The following MAST4 variants were observed in gnomAD, a reference collection of about 807,000 sequenced individuals.
MAST4 encodes the protein microtubule associated serine/threonine kinase family member 4.
Under a neutral mutation model 162.7 loss-of-function variants are expected in MAST4, and 89 were observed. That is an observed-to-expected ratio of 0.55 (90% CI 0.46 to 0.65). MAST4 has a LOEUF of 0.65. MAST4 is among the 30% of genes least tolerant of loss of function. The probability of loss-of-function intolerance (pLI) is 0.00; values close to 1 mark genes in which losing one functional copy is unlikely to be tolerated. For synonymous variants in MAST4, 1,479 were observed against 1,361.1 expected (o/e 1.09, Z -1.91); for missense variants, 3,153 against 3,374.0 (o/e 0.93, Z 1.62).
intron 4 of MAST4, among the ~76,000 whole-genome samples, chr5:66,982,276 T>C (rs980283956): frequency 6.6e-6 from 1 of 152,204 alleles, no homozygotes; most frequent in Non-Finnish European, 1.5e-5. Context: ...GAGTGTGTGC[T>C]TTCTTTTAAC....
chr5:66,616,337 T>A (rs1428592974), intron 1 of MAST4, among the ~76,000 whole-genome samples: 2 of 152,074 alleles, frequency 1.3e-5, no homozygotes, highest in African/African-American at 4.8e-5. Context: ...AGAGAAGAGA[T>A]GTTTTAAATT....
chr5:66,686,901 T>C (rs936402281), intron 1 of MAST4, among the ~76,000 whole-genome samples: 3 of 152,186 alleles, frequency 2.0e-5, no homozygotes, highest in African/African-American at 7.2e-5. Context: ...GTATCACCAT[T>C]GTATGTCAGT....
At chr5:66,977,121 A>G (rs906122621) in intron 4 of MAST4, among the ~76,000 whole-genome samples, 13 of 151,968 alleles carry the variant, frequency 8.6e-5, no homozygotes, top group Non-Finnish European at 1.8e-4. Flanking sequence ...TCTTTTTGAG[A>G]CAGAGTTTTG....
At chr5:66,759,338 G>A (rs189779050) in intron 1 of MAST4, among the ~76,000 whole-genome samples, 4 of 152,230 alleles carry the variant, frequency 2.6e-5, no homozygotes, top group South Asian at 2.1e-4. Flanking sequence ...ACACATACAC[G>A]TATAACTGAA....
intron 1 of MAST4, among the ~76,000 whole-genome samples, chr5:66,619,500 C>T (rs13160373): frequency 4.9e-4 from 75 of 152,068 alleles, no homozygotes; most frequent in African/African-American, 1.8e-3. Flanking sequence ...ATGATACATT[C>T]TCCTCATATA....
At chr5:66,829,710 TA>T (rs34769065) in intron 3 of MAST4, among the ~76,000 whole-genome samples, 78,519 of 151,672 alleles carry the variant, frequency 0.52, 20,634 homozygotes, top group East Asian at 0.68. Context: ...ATTTTGATAT[TA>T]AAAAAAATGC....
At chr5:67,097,486 T>C (rs1426420265) in intron 7 of MAST4, among the ~76,000 whole-genome samples, 2 of 152,158 alleles carry the variant, frequency 1.3e-5, no homozygotes, top group African/African-American at 4.8e-5. Flanking sequence ...ACCCAGCATC[T>C]TGGCTCTTTT....
chr5:66,813,670 G>A (rs1349084103), intron 3 of MAST4, among the ~76,000 whole-genome samples: 9 of 152,200 alleles, frequency 5.9e-5, no homozygotes, highest in African/African-American at 2.2e-4. Context: ...GTACTTAAGT[G>A]TCAGTTTTAT....
intron 1 of MAST4, among the ~76,000 whole-genome samples, chr5:66,694,429 T>G (rs1485441965): frequency 6.6e-6 from 1 of 152,200 alleles, no homozygotes; most frequent in East Asian, 1.9e-4. Context: ...CTTTCTCCTT[T>G]AAAAATTTGC....
At chr5:67,055,009 GTTTTT>G (rs11366472) in intron 5 of MAST4, among the ~76,000 whole-genome samples, 4 of 145,384 alleles carry the variant, frequency 2.8e-5, no homozygotes, top group Non-Finnish European at 6.1e-5. Context: ...TTATATGCTG[GTTTTT>G]TTTTTTTTCT....
intron 6 of MAST4, chr5:67,094,164 A>G (rs1336239488): frequency 6.7e-7 from 1 of 1,501,418 alleles, no homozygotes; most frequent in Non-Finnish European, 9.1e-7. Flanking sequence ...CAGAAATGAC[A>G]GGTAAATTTT....
At chr5:67,159,576 TCATGG>T (rs1429820120) in intron 26 of MAST4, among the ~76,000 whole-genome samples, 1 of 152,244 alleles carries the variant, frequency 6.6e-6, no homozygotes, top group Non-Finnish European at 1.5e-5. Context: ...TCTTGTACTT[TCATGG>T]TAATCGGGGC....
chr5:66,734,033 T>A (rs1398932131), intron 1 of MAST4, among the ~76,000 whole-genome samples: 1 of 152,240 alleles, frequency 6.6e-6, no homozygotes, highest in Non-Finnish European at 1.5e-5. Flanking sequence ...TACATATCCC[T>A]GTTTTCTAAG....
chr5:67,154,962 G>A (rs945944982), intron 26 of MAST4, among the ~76,000 whole-genome samples: 2 of 152,222 alleles, frequency 1.3e-5, no homozygotes, highest in Non-Finnish European at 2.9e-5. Context: ...GAAGTTGGCT[G>A]TATTATGGTA....
intron 5 of MAST4, among the ~76,000 whole-genome samples, chr5:67,071,524 G>C (rs894709114): frequency 3.3e-5 from 5 of 152,144 alleles, no homozygotes; most frequent in Admixed American, 1.3e-4. Context: ...AGGCCAAGGG[G>C]GGGGCGGGGT....
At chr5:66,870,864 C>T (rs1168524035) in intron 3 of MAST4, 1 of 471,468 alleles carries the variant, frequency 2.1e-6, no homozygotes, top group South Asian at 1.5e-5. Flanking sequence ...TGAGTGTGTC[C>T]TGTTGCCCTG....
intron 1 of MAST4, among the ~76,000 whole-genome samples, chr5:66,609,891 A>T (rs1561210922): frequency 6.6e-6 from 1 of 151,988 alleles, no homozygotes; most frequent in Admixed American, 6.5e-5. Flanking sequence ...CCATCTTGGC[A>T]TATATCTGTG....
At chr5:66,633,779 G>A (rs544763970) in intron 1 of MAST4, among the ~76,000 whole-genome samples, 76 of 151,784 alleles carry the variant, frequency 5.0e-4, no homozygotes, top group African/African-American at 1.5e-3. Context: ...TCATTTTTTC[G>A]TATATGCTAA....
intron 5 of MAST4, among the ~76,000 whole-genome samples, chr5:67,079,969 A>C (rs922886259): frequency 6.6e-6 from 1 of 152,176 alleles, no homozygotes; most frequent in African/African-American, 2.4e-5. Context: ...GGGAGGGAAA[A>C]GTGGCAGTAC....
Sources: gnomAD v4.1 joint callset for allele counts (sites outside exome capture counted in the v4.1 genomes callset) on GRCh38, gnomAD v4.1.1 for gene constraint, MANE v1.5 for transcripts, NCBI Gene and HGNC (gene_info 2026-07-23, HGNC 2026-07-21) for gene names.